Variants in CFAP47 observed in about 807,000 individuals in gnomAD.
CFAP47 encodes cilia- and flagella-associated protein 47.
Under a neutral mutation model 148.1 loss-of-function variants are expected in CFAP47, and 29 were observed. The ratio of observed to expected loss-of-function variants is 0.20; its 90% CI spans 0.15 to 0.27. The LOEUF (loss-of-function observed/expected upper bound fraction) is 0.27, where lower values mean the gene tolerates loss of function less well. Ranked by LOEUF, CFAP47 falls within the 10% of genes least tolerant of loss-of-function variation. CFAP47 has a pLI of 1.00. For missense variants in CFAP47, 1,872 were observed against 1,697.5 expected (o/e 1.10, Z -1.81); for synonymous variants, 664 against 577.3 (o/e 1.15, Z -2.15).
intron 39 of CFAP47, among the ~76,000 whole-genome samples, chrX:36,173,543 T>G (rs1939619333): frequency 8.9e-6 from 1 of 111,840 alleles, no homozygotes; most frequent in South Asian, 3.7e-4. Context: ...ATTTCTGCCT[T>G]CATTTTGTTA....
chrX:36,024,879 T>C (rs1339656981), intron 22 of CFAP47, among the ~76,000 whole-genome samples: 1 of 111,777 alleles, frequency 8.9e-6, no homozygotes, highest in Non-Finnish European at 1.9e-5. Context: ...GAAGTTGCTT[T>C]TTTTGTGTAG....
At chrX:36,167,312 A>G (rs1939503948) in intron 39 of CFAP47, among the ~76,000 whole-genome samples, 1 of 111,855 alleles carries the variant, frequency 8.9e-6, no homozygotes, top group Admixed American at 9.5e-5. Context: ...CTCCTCAGGG[A>G]AAATATCTGA....
intron 23 of CFAP47, among the ~76,000 whole-genome samples, chrX:36,034,630 T>G (rs1937317859): frequency 9.0e-6 from 1 of 111,437 alleles, no homozygotes; most frequent in Admixed American, 9.6e-5. Flanking sequence ...ATTTTGTTGC[T>G]AAAATTGTTT....
At position 35,997,921 on chromosome X, in the gene CFAP47, A is replaced by T. The variant is rs188034185; in HGVS notation, c.3177+532A>T. 6.0e-3 allele frequency among the ~76,000 whole-genome samples: 669 copies of T among 111,432 alleles called. 4 individuals carry two copies. The highest frequency in any genetic ancestry group is 0.019 in the African/African-American group (598 of 30,765). ...CATACTATAATTTACATGATCATTC[A>T]GTTGTTCATCCCAATAGGTATTTCT... is the stretch of plus-strand genomic sequence containing the variant. On this transcript the variant is annotated intron_variant, in intron 19 of 63. Transcript: ENST00000378653.
chrX:36,305,117 C>T (rs1438164228), intron 54 of CFAP47, among the ~76,000 whole-genome samples: 1 of 111,912 alleles, frequency 8.9e-6, no homozygotes, highest in Non-Finnish European at 1.9e-5. Flanking sequence ...TTACTGGTTG[C>T]CAACTTATGT....
chrX:36,114,019 C>A (rs1238203296), intron 33 of CFAP47, among the ~76,000 whole-genome samples: 2 of 109,825 alleles, frequency 1.8e-5, no homozygotes, highest in Admixed American at 9.7e-5. Context: ...ACCGCATTAG[C>A]CAGGATGGTC....
intron 45 of CFAP47, among the ~76,000 whole-genome samples, chrX:36,228,275 A>G (rs1940293890): frequency 9.0e-6 from 1 of 110,864 alleles, no homozygotes. Flanking sequence ...TGAGCTGAAA[A>G]CTGAAAAGTC....
At chrX:36,190,018 A>G (rs191930057) in intron 41 of CFAP47, 33 bp from the exon 42 acceptor site, 14 of 295,641 alleles carry the variant, frequency 4.7e-5, no homozygotes, top group Admixed American at 1.2e-4. Context: ...TTACAAAATT[A>G]TATGTCAACA....
intron 33 of CFAP47, among the ~76,000 whole-genome samples, chrX:36,106,391 T>C (rs774255648): frequency 8.9e-6 from 1 of 111,975 alleles, no homozygotes; most frequent in Non-Finnish European, 1.9e-5. Flanking sequence ...CTTAGCTTTG[T>C]CCTGGTATAA....
chrX:36,255,781 C>T (rs1940743536), intron 49 of CFAP47, among the ~76,000 whole-genome samples: 1 of 111,381 alleles, frequency 9.0e-6, no homozygotes, highest in Non-Finnish European at 1.9e-5. Context: ...AAAGTGAAAC[C>T]AATAACTGTG....
chrX:36,374,420 G>T (rs1357904413), intron 62 of CFAP47, among the ~76,000 whole-genome samples: 1 of 110,667 alleles, frequency 9.0e-6, no homozygotes, highest in Admixed American at 9.7e-5. Flanking sequence ...ATTTATTGGA[G>T]TATTCTCTCT....
intron 1 of CFAP47, among the ~76,000 whole-genome samples, chrX:35,924,287 A>G (rs1406495134): frequency 2.8e-5 from 3 of 105,647 alleles, no homozygotes; most frequent in Non-Finnish European, 3.9e-5. Flanking sequence ...GTATATGTAC[A>G]TGTATGTGTA....
At chrX:36,220,193 T>G (rs939196471) in intron 45 of CFAP47, among the ~76,000 whole-genome samples, 2 of 111,422 alleles carry the variant, frequency 1.8e-5, no homozygotes, top group Non-Finnish European at 3.8e-5. Context: ...ACTTAAAATG[T>G]CATGTAAAAT....
intron 33 of CFAP47, among the ~76,000 whole-genome samples, chrX:36,118,711 T>G (rs1472247663): frequency 9.0e-6 from 1 of 111,626 alleles, no homozygotes; most frequent in Non-Finnish European, 1.9e-5. Context: ...CCTGACCTTG[T>G]GATCCACCTG....
chrX:36,325,170 T>C (rs1941507877), intron 57 of CFAP47, among the ~76,000 whole-genome samples: 1 of 112,063 alleles, frequency 8.9e-6, no homozygotes, highest in Non-Finnish European at 1.9e-5. Context: ...AAAGGCATTC[T>C]AATGGAAAAC....
chrX:36,120,724 A>G (rs1306652503), intron 33 of CFAP47, among the ~76,000 whole-genome samples: 1 of 108,972 alleles, frequency 9.2e-6, no homozygotes, highest in Non-Finnish European at 1.9e-5. Flanking sequence ...TTCAGGGAAG[A>G]TGCTTGATAT....
chrX:36,076,354 G>A (rs1369141239), intron 29 of CFAP47, among the ~76,000 whole-genome samples: 1 of 67,960 alleles, frequency 1.5e-5, no homozygotes, highest in Non-Finnish European at 2.5e-5. Flanking sequence ...AACAAGCCCC[G>A]GTGTGTGATA....
At chrX:35,953,751 C>T (rs374725353) in intron 7 of CFAP47, 32 bp downstream of exon 7, 17 of 1,096,390 alleles carry the variant, frequency 1.6e-5, no homozygotes, top group African/African-American at 1.5e-4. Flanking sequence ...TTATCAAATC[C>T]GTAGCCATTT....
In CFAP47 at chrX:35,923,984, T is replaced by C. The variant is rs778463073; in HGVS notation, c.250-2033T>C. ...ACATATATGTGTATGTATGTGTATA[T>C]ATGTACATATATGTGTATATGTGTA... On this transcript the variant is annotated intron_variant, in intron 1 of 63. Transcript: ENST00000378653. 4.9e-5 allele frequency among the ~76,000 whole-genome samples: 5 copies of C among 102,730 alleles called. 1 individual carries two copies. Among genetic ancestry groups the C allele is most frequent in the African/African-American group, 1.9e-4 (5 of 26,311 alleles). The allele number at this position is 102,730 out of a possible 115,157, so 89.2% of individuals were successfully genotyped here.
Sources: allele counts gnomAD v4.1 joint callset (sites outside exome capture counted in the v4.1 genomes callset), GRCh38; gene constraint gnomAD v4.1.1; transcripts MANE v1.5; gene names NCBI Gene and HGNC (gene_info 2026-07-23, HGNC 2026-07-21).